Variants in NRXN3 observed in about 807,000 individuals in gnomAD.
NRXN3 encodes the protein neurexin 3, also known as neurexin III.
Under a neutral mutation model 137.6 loss-of-function variants are expected in NRXN3, and 32 were observed. That is an observed-to-expected ratio of 0.23 (90% confidence interval 0.18 to 0.31). NRXN3 has a LOEUF of 0.31. NRXN3 is among the 10% of genes least tolerant of loss of function. The pLI, the probability that NRXN3 is intolerant of heterozygous loss-of-function variation, is 1.00. For missense variants in NRXN3, 1,574 were observed against 2,062.5 expected, an observed-to-expected ratio of 0.76 and a Z score of 4.59; for synonymous variants, 798 against 784.5, an observed-to-expected ratio of 1.02 and a Z score of -0.29.
intron 15 of NRXN3, among the ~76,000 whole-genome samples, chr14:79,368,563 C>G (rs2093980845): frequency 6.6e-6 from 1 of 152,204 alleles, no homozygotes; most frequent in Non-Finnish European, 1.5e-5. Context: ...AGTCAATACT[C>G]TGCATAGCAT....
intron 6 of NRXN3, among the ~76,000 whole-genome samples, chr14:78,692,017 G>A (rs139179035): frequency 1.5e-3 from 229 of 152,196 alleles, no homozygotes; most frequent in African/African-American, 5.4e-3. Flanking sequence ...AAAACTCTGG[G>A]CCTATAAATT....
chr14:78,928,866 A>C (rs758024192), intron 10 of NRXN3, among the ~76,000 whole-genome samples: 68 of 152,136 alleles, frequency 4.5e-4, no homozygotes, highest in South Asian at 1.0e-3. Flanking sequence ...AGATTGAGGA[A>C]TTGCCACACT....
chr14:78,664,074 T>G (rs1302781908), intron 6 of NRXN3, among the ~76,000 whole-genome samples: 1 of 152,216 alleles, frequency 6.6e-6, no homozygotes, highest in Non-Finnish European at 1.5e-5. Context: ...CATTTTTCAC[T>G]TCTCAAATCA....
intron 15 of NRXN3, among the ~76,000 whole-genome samples, chr14:79,084,631 G>A (rs1019681278): frequency 6.6e-6 from 1 of 152,026 alleles, no homozygotes; most frequent in Non-Finnish European, 1.5e-5. Flanking sequence ...AAAATAGAAG[G>A]CATTTTGGCA....
chr14:79,321,173 G>A (rs1407696144), intron 15 of NRXN3, among the ~76,000 whole-genome samples: 1 of 151,962 alleles, frequency 6.6e-6, no homozygotes, highest in East Asian at 1.9e-4. Flanking sequence ...ATGACTAAAG[G>A]CCCAGGTGGA....
chr14:79,631,534 C>T (rs112981209), intron 16 of NRXN3, among the ~76,000 whole-genome samples: 3 of 152,238 alleles, frequency 2.0e-5, no homozygotes, highest in Admixed American at 6.5e-5. Flanking sequence ...CCGCACTGGG[C>T]GCAGCCGGCT....
At chr14:79,292,371 T>A (rs563904658) in intron 15 of NRXN3, among the ~76,000 whole-genome samples, 1 of 152,318 alleles carries the variant, frequency 6.6e-6, no homozygotes, top group South Asian at 2.1e-4. Context: ...TAATTCACTC[T>A]AAGAATCCGT....
At chr14:78,426,018 G>T (rs1054943646) in intron 4 of NRXN3, among the ~76,000 whole-genome samples, 3 of 152,202 alleles carry the variant, frequency 2.0e-5, no homozygotes, top group Non-Finnish European at 4.4e-5. Context: ...GTGCTGCATA[G>T]GTTGTGGGTA....
intron 16 of NRXN3, among the ~76,000 whole-genome samples, chr14:79,528,086 C>A (rs746063238): frequency 1.3e-5 from 2 of 152,086 alleles, no homozygotes; most frequent in Admixed American, 1.3e-4. Flanking sequence ...CGTATTTAAC[C>A]AAAAGGTTCC....
chr14:79,751,478 C>A (rs1342448415), intron 19 of NRXN3, among the ~76,000 whole-genome samples: 3 of 150,364 alleles, frequency 2.0e-5, no homozygotes, highest in Non-Finnish European at 3.0e-5. Context: ...TGGGCTGAGA[C>A]AATGGGGTTT....
intron 15 of NRXN3, among the ~76,000 whole-genome samples, chr14:79,267,362 T>C (rs2078597877): frequency 6.9e-6 from 1 of 144,600 alleles, no homozygotes; most frequent in Admixed American, 6.8e-5. Flanking sequence ...ATCATTTAAT[T>C]TTTTTTTTTT....
At chr14:78,569,517 G>A (rs549854511) in intron 4 of NRXN3, among the ~76,000 whole-genome samples, 7 of 151,620 alleles carry the variant, frequency 4.6e-5, no homozygotes, top group East Asian at 1.9e-4. Flanking sequence ...CACCCATCTC[G>A]GCCTCCCAAA....
chr14:78,193,309 C>CA (rs1397397537), intron 1 of NRXN3, among the ~76,000 whole-genome samples: 1 of 152,132 alleles, frequency 6.6e-6, no homozygotes, highest in Admixed American at 6.5e-5. Flanking sequence ...TAAAGTCACA[C>CA]AGCAGGTTGG....
At chr14:78,764,605 T>C (rs542661659) in intron 8 of NRXN3, among the ~76,000 whole-genome samples, 1 of 152,296 alleles carries the variant, frequency 6.6e-6, no homozygotes, top group Non-Finnish European at 1.5e-5. Flanking sequence ...GCTTAAAACA[T>C]GTTACAAAAA....
chr14:78,800,341 T>C (rs1321925411), intron 8 of NRXN3, among the ~76,000 whole-genome samples: 1 of 152,222 alleles, frequency 6.6e-6, no homozygotes, highest in Non-Finnish European at 1.5e-5. Flanking sequence ...GACTTCTTAA[T>C]GCATATAAAG....
At chr14:78,418,685 G>A (rs1310425316) in intron 4 of NRXN3, among the ~76,000 whole-genome samples, 1 of 152,004 alleles carries the variant, frequency 6.6e-6, no homozygotes, top group Non-Finnish European at 1.5e-5. Context: ...TTTTATTCCC[G>A]GTATATGTCC....
chr14:79,268,111 T>A (rs979998107), intron 15 of NRXN3, among the ~76,000 whole-genome samples: 2 of 152,204 alleles, frequency 1.3e-5, no homozygotes, highest in African/African-American at 4.8e-5. Context: ...TTCTGAAGAA[T>A]CGACAGTGAT....
chr14:78,574,268 C>A (rs919121415), intron 4 of NRXN3, among the ~76,000 whole-genome samples: 1 of 152,248 alleles, frequency 6.6e-6, no homozygotes, highest in African/African-American at 2.4e-5. Flanking sequence ...GGGGTCTGAG[C>A]TCCCACACAG....
chr14:79,541,408 A>G (rs2097271243), intron 16 of NRXN3, among the ~76,000 whole-genome samples: 2 of 152,212 alleles, frequency 1.3e-5, no homozygotes, highest in African/African-American at 2.4e-5. Context: ...CATCTCAAAA[A>G]AAAAGATACT....
Sources: gnomAD v4.1 joint callset for allele counts (sites outside exome capture counted in the v4.1 genomes callset) on GRCh38, gnomAD v4.1.1 for gene constraint, MANE v1.5 for transcripts, NCBI Gene and HGNC (gene_info 2026-07-23, HGNC 2026-07-21) for gene names.